Variants in PRIM2 observed in about 807,000 individuals in gnomAD.
PRIM2 encodes the protein DNA primase subunit 2, also known as DNA primase large subunit.
In PRIM2, 39 loss-of-function variants were observed where a neutral mutation model predicts 67.3. That is an observed-to-expected ratio of 0.58 (90% CI 0.45 to 0.76). The LOEUF is 0.76. Ranked by LOEUF, PRIM2 falls within the 30% of genes least tolerant of loss-of-function variation. The pLI, the probability that PRIM2 is intolerant of heterozygous loss-of-function variation, is 0.00. For missense variants in PRIM2, 398 were observed against 598.7 expected, an observed-to-expected ratio of 0.66 and a Z score of 3.50; for synonymous variants, 143 against 198.7, an observed-to-expected ratio of 0.72 and a Z score of 2.36.
At chr6:57,390,607 AT>A (rs1408460676) in intron 7 of PRIM2, among the ~76,000 whole-genome samples, 1 of 152,066 alleles carries the variant, frequency 6.6e-6, no homozygotes, top group African/African-American at 2.4e-5. Flanking sequence ...AGTTCTCATC[AT>A]TTAGCTCTCA....
chr6:57,542,938 G>GTTTTTTTTTTTTTTTT (rs1581980392), intron 10 of PRIM2, among the ~76,000 whole-genome samples: 5 of 56,878 alleles, frequency 8.8e-5, no homozygotes, highest in East Asian at 1.1e-3. Flanking sequence ...CTGCTTATAG[G>GTTTTTTTTTTTTTTTT]ATTTTTTTTT....
At chr6:57,531,783 G>A (rs1479246569) in intron 8 of PRIM2, among the ~76,000 whole-genome samples, 1 of 152,202 alleles carries the variant, frequency 6.6e-6, no homozygotes, top group East Asian at 1.9e-4. Context: ...CCATTCATCA[G>A]ATGATATACA....
chr6:57,472,947 G>T (rs1468009457), intron 7 of PRIM2, among the ~76,000 whole-genome samples: 1 of 152,154 alleles, frequency 6.6e-6, no homozygotes, highest in Non-Finnish European at 1.5e-5. Context: ...TATGCAGGAG[G>T]CCACTTTTCG....
At chr6:57,310,603 C>T (rs565822961), upstream of PRIM2, among the ~76,000 whole-genome samples, 21 of 151,908 alleles carry the variant, frequency 1.4e-4, no homozygotes, top group Admixed American at 9.8e-4. Flanking sequence ...ATGGGGCGGC[C>T]GGGCAGAGGC....
the PRIM2 span, among the ~76,000 whole-genome samples, chr6:57,307,076 G>A: frequency 6.6e-6 from 1 of 152,034 alleles, no homozygotes; most frequent in South Asian, 2.1e-4. Flanking sequence ...GCATGTGCCT[G>A]TAGTCCCAGC....
At chr6:57,503,187 C>A (rs1173544507) in intron 7 of PRIM2, among the ~76,000 whole-genome samples, 1 of 152,074 alleles carries the variant, frequency 6.6e-6, no homozygotes, top group African/African-American at 2.4e-5. Flanking sequence ...GGAAGAGGTT[C>A]CTGCCCTGAC....
intron 7 of PRIM2, among the ~76,000 whole-genome samples, chr6:57,393,901 C>CAAT (rs1222284328): frequency 1.3e-5 from 2 of 151,674 alleles, no homozygotes; most frequent in Non-Finnish European, 2.9e-5. Flanking sequence ...TATCCCTGCA[C>CAAT]CATTTGTTGA....
chr6:57,403,178 G>A (rs1467369777), intron 7 of PRIM2, among the ~76,000 whole-genome samples: 7 of 151,602 alleles, frequency 4.6e-5, no homozygotes, highest in Non-Finnish European at 1.0e-4. Context: ...TATTGTATAT[G>A]AAAGTTTTTT....
intron 7 of PRIM2, among the ~76,000 whole-genome samples, chr6:57,498,759 GATTC>G (rs1223538642): frequency 1.3e-5 from 2 of 152,070 alleles, no homozygotes; most frequent in East Asian, 3.9e-4. Flanking sequence ...TCAGAGAAGG[GATTC>G]ATTATTTTAA....
At chr6:57,586,159 A>T (rs1776183040) in intron 10 of PRIM2, among the ~76,000 whole-genome samples, 1 of 152,194 alleles carries the variant, frequency 6.6e-6, no homozygotes, top group African/African-American at 2.4e-5. Context: ...GGGATTAGTA[A>T]GATTAGAGAG....
chr6:57,585,091 A>C (rs1776164728), intron 10 of PRIM2, among the ~76,000 whole-genome samples: 1 of 152,238 alleles, frequency 6.6e-6, no homozygotes, highest in South Asian at 2.1e-4. Context: ...ACAGACTTCA[A>C]ATTGCTTAAC....
intron 7 of PRIM2, among the ~76,000 whole-genome samples, chr6:57,472,108 A>G (rs1357778749): frequency 3.3e-5 from 5 of 152,030 alleles, no homozygotes; most frequent in African/African-American, 4.8e-5. Context: ...TGTAGGGTAG[A>G]GGGAGAGACC....
the PRIM2 span, among the ~76,000 whole-genome samples, chr6:57,288,601 AGGATCAGGCAGCAATATTTACTGTTCT>A: frequency 6.6e-6 from 1 of 152,118 alleles, no homozygotes; most frequent in African/African-American, 2.4e-5. Context: ...TTCCAGAGGA[AGGATCAGGCAGCAATATTTACTGTTCT>A]GCAGCCTCTG....
At position 57,380,244 on chromosome 6, in the gene PRIM2, AC is replaced by A. The variant is rs66626449; in HGVS notation, c.555+251del. ...TTACAGGCTGTTTTCCTAATGGAATACCCTCCTTGCATTGTTTGGGTTCTTA... is the reference window on the plus strand; with the variant it reads ...TTACAGGCTGTTTTCCTAATGGAATACCTCCTTGCATTGTTTGGGTTCTTA... On this transcript the variant is annotated intron_variant, in intron 6 of 13. Transcript: ENST00000615550. Among the ~76,000 whole-genome samples the A allele has an allele frequency of 3.7e-3, 557 of 150,528 alleles. 2 individuals carry two copies. Among genetic ancestry groups the A allele is most frequent in the Middle Eastern group, 0.017 (5 of 294 alleles).
At chr6:57,644,353 C>G (rs1777296975) in intron 13 of PRIM2, among the ~76,000 whole-genome samples, 1 of 152,108 alleles carries the variant, frequency 6.6e-6, no homozygotes, top group African/African-American at 2.4e-5. Flanking sequence ...AGACGCAACT[C>G]AAATAGCACT....
At chr6:57,282,527 C>G in the PRIM2 span, among the ~76,000 whole-genome samples, 1 of 152,176 alleles carries the variant, frequency 6.6e-6, no homozygotes, top group Admixed American at 6.5e-5. Flanking sequence ...TCTCCCTGCT[C>G]CCTCCACCAA....
At position 57,355,165 on chromosome 6, in the gene PRIM2, G is replaced by A. The variant is rs530906266; in HGVS notation, c.460-24736G>A. 1.5e-4 allele frequency among the ~76,000 whole-genome samples: 23 copies of A among 152,348 alleles called. No homozygotes were observed. In the South Asian group the frequency reaches 4.3e-3, roughly 29 times the overall value. On this transcript the variant is annotated intron_variant, in intron 5 of 13. Transcript: ENST00000615550. ...CTAAAAATACAAAAATTAGCTAGAT[G>A]TGGTGGCGGGCGCCTGCAATCCCAG...
the PRIM2 span, among the ~76,000 whole-genome samples, chr6:57,293,369 T>C: frequency 2.0e-5 from 3 of 152,146 alleles, no homozygotes; most frequent in Non-Finnish European, 4.4e-5. Flanking sequence ...GAAATAGGAA[T>C]GCTTTTACAC....
At chr6:57,289,928 A>G in the PRIM2 span, among the ~76,000 whole-genome samples, 1 of 152,184 alleles carries the variant, frequency 6.6e-6, no homozygotes, top group East Asian at 1.9e-4. Context: ...TAACATCTTA[A>G]TGACAGGACC....
Sources: gnomAD v4.1 joint callset for allele counts (sites outside exome capture counted in the v4.1 genomes callset) on GRCh38, gnomAD v4.1.1 for gene constraint, MANE v1.5 for transcripts, NCBI Gene and HGNC (gene_info 2026-07-23, HGNC 2026-07-21) for gene names.